SLC22A24: variants seen among roughly 807,000 people sequenced by gnomAD.
SLC22A24 encodes the protein steroid transmembrane transporter SLC22A24.
SLC22A24 carries 53 observed loss-of-function variants against 49.8 expected under a neutral mutation model. The observed-to-expected ratio is 1.06, with a 90% CI of 0.85 to 1.34. The LOEUF (loss-of-function observed/expected upper bound fraction) is 1.34, where lower values mean the gene tolerates loss of function less well. SLC22A24 is among the 40% of genes most tolerant of loss of function. The pLI, the probability that SLC22A24 is intolerant of heterozygous loss-of-function variation, is 0.00. For synonymous variants in SLC22A24, 302 were observed against 256.4 expected (o/e 1.18, Z -1.70); for missense variants, 786 against 675.9 (o/e 1.16, Z -1.81).
At chr11:63,133,118 G>A (rs557206352) in intron 2 of SLC22A24, among the ~76,000 whole-genome samples, 2 of 152,214 alleles carry the variant, frequency 1.3e-5, no homozygotes, top group African/African-American at 2.4e-5. Context: ...GACCCACCGA[G>A]CCAGGCATGC....
intron 2 of SLC22A24, among the ~76,000 whole-genome samples, chr11:63,133,934 C>T (rs549090149): frequency 1.3e-5 from 2 of 152,166 alleles, no homozygotes; most frequent in African/African-American, 4.8e-5. Flanking sequence ...CGTGAGCCAC[C>T]GTGCCCACTC....
At chr11:63,104,671 A>G (rs187595823) in intron 4 of SLC22A24, among the ~76,000 whole-genome samples, 1 of 152,138 alleles carries the variant, frequency 6.6e-6, no homozygotes. Context: ...GAGAAGCAAA[A>G]GGGAAGCCCT....
intron 5 of SLC22A24, among the ~76,000 whole-genome samples, chr11:63,096,440 A>C (rs1362961491): frequency 6.6e-6 from 1 of 152,202 alleles, no homozygotes; most frequent in African/African-American, 2.4e-5. Flanking sequence ...TTTCTTATCC[A>C]CTGGGCATGA....
chr11:63,096,153 G>C (rs892920662), intron 5 of SLC22A24, 47 bp from the exon 6 acceptor site: 14 of 1,236,720 alleles, frequency 1.1e-5, no homozygotes, highest in Non-Finnish European at 1.6e-5. Context: ...TGTCAATAAT[G>C]TGTCAGGCAT....
chr11:63,143,153 T>C (rs1207313854), intron 1 of SLC22A24, among the ~76,000 whole-genome samples: 1 of 152,238 alleles, frequency 6.6e-6, no homozygotes, highest in Non-Finnish European at 1.5e-5. Flanking sequence ...TTAAAATTCA[T>C]GGTCTAATAC....
At chr11:63,120,149 G>T (rs1003292757) in intron 2 of SLC22A24, among the ~76,000 whole-genome samples, 3 of 151,060 alleles carry the variant, frequency 2.0e-5, no homozygotes, top group African/African-American at 7.3e-5. Flanking sequence ...GTCAATTTTG[G>T]CTTTTGTTGC....
intron 5 of SLC22A24, among the ~76,000 whole-genome samples, chr11:63,096,888 T>C (rs1590732475): frequency 1.3e-5 from 2 of 152,198 alleles, no homozygotes; most frequent in East Asian, 1.9e-4. Flanking sequence ...TTAGTTTTCT[T>C]ATCATTTAGA....
intron 2 of SLC22A24, among the ~76,000 whole-genome samples, chr11:63,132,434 C>T (rs1349235805): frequency 6.6e-6 from 1 of 152,142 alleles, no homozygotes; most frequent in Non-Finnish European, 1.5e-5. Flanking sequence ...TACCTTTGGT[C>T]TTTGATGTTG....
At chr11:63,106,066 A>G (rs1323062850) in intron 4 of SLC22A24, among the ~76,000 whole-genome samples, 1 of 129,776 alleles carries the variant, frequency 7.7e-6, no homozygotes, top group Non-Finnish European at 1.7e-5. Context: ...TATCTCCTAA[A>G]GCTATCCCTC....
chr11:63,109,439 T>C (rs1590737929), intron 4 of SLC22A24, among the ~76,000 whole-genome samples: 1 of 145,306 alleles, frequency 6.9e-6, no homozygotes, highest in African/African-American at 2.5e-5. Flanking sequence ...TCCACAATGG[T>C]TGAACTAGTT....
intron 1 of SLC22A24, among the ~76,000 whole-genome samples, chr11:63,141,938 T>C (rs2087418093): frequency 1.3e-5 from 2 of 152,010 alleles, no homozygotes; most frequent in Non-Finnish European, 1.5e-5. Flanking sequence ...ATTACACTTT[T>C]GTTAGCTGTT....
At chr11:63,113,452 G>T (rs2087189616) in intron 4 of SLC22A24, among the ~76,000 whole-genome samples, 1 of 151,672 alleles carries the variant, frequency 6.6e-6, no homozygotes, top group Admixed American at 6.6e-5. Flanking sequence ...AGGCCCATTG[G>T]TGGCAAAATC....
intron 6 of SLC22A24, among the ~76,000 whole-genome samples, chr11:63,090,659 A>G (rs2087014532): frequency 7.2e-6 from 1 of 138,586 alleles, no homozygotes; most frequent in Non-Finnish European, 1.6e-5. Context: ...CAGAACTTAA[A>G]GTACAATAAA....
At chr11:63,122,655 C>T (rs1314807824) in intron 2 of SLC22A24, among the ~76,000 whole-genome samples, 4 of 152,062 alleles carry the variant, frequency 2.6e-5, no homozygotes, top group African/African-American at 9.7e-5. Context: ...GCTGGGACTA[C>T]AGGCACCCAT....
At chr11:63,110,420 T>A (rs2087154542) in intron 4 of SLC22A24, among the ~76,000 whole-genome samples, 1 of 151,724 alleles carries the variant, frequency 6.6e-6, no homozygotes, top group South Asian at 2.1e-4. Flanking sequence ...TGGCATTGAA[T>A]CTATAAATTA....
intron 2 of SLC22A24, among the ~76,000 whole-genome samples, chr11:63,124,682 C>G (rs959670246): frequency 2.0e-5 from 3 of 152,146 alleles, no homozygotes; most frequent in Admixed American, 1.3e-4. Context: ...CTTTTCAACT[C>G]AACTGTCACA....
At chr11:63,087,536 A>G (rs1445977211) in intron 6 of SLC22A24, among the ~76,000 whole-genome samples, 2 of 152,158 alleles carry the variant, frequency 1.3e-5, no homozygotes, top group African/African-American at 4.8e-5. Context: ...GTATTTTTTC[A>G]TATTCCAGTG....
intron 4 of SLC22A24, among the ~76,000 whole-genome samples, chr11:63,106,331 G>C (rs1011291403): frequency 6.6e-6 from 1 of 151,904 alleles, no homozygotes; most frequent in African/African-American, 2.4e-5. Context: ...CCAGTCTATC[G>C]TTGTTGGACA....
intron 2 of SLC22A24, among the ~76,000 whole-genome samples, chr11:63,128,861 G>T (rs1304486879): frequency 1.3e-5 from 2 of 152,142 alleles, no homozygotes; most frequent in Non-Finnish European, 2.9e-5. Flanking sequence ...GGTGGTAGTG[G>T]TCCCCCAGGC....
Sources: gnomAD v4.1 joint callset for allele counts (sites outside exome capture counted in the v4.1 genomes callset) on GRCh38, gnomAD v4.1.1 for gene constraint, MANE v1.5 for transcripts, NCBI Gene and HGNC (gene_info 2026-07-23, HGNC 2026-07-21) for gene names.